ZNF536: variants seen among roughly 807,000 people sequenced by gnomAD.
ZNF536 encodes the protein zinc finger protein 536.
In ZNF536, 13 loss-of-function variants were observed where a neutral mutation model predicts 84.5. The ratio of observed to expected loss-of-function variants is 0.15; its 90% CI spans 0.10 to 0.24. ZNF536 has a LOEUF of 0.24. ZNF536 is among the 10% of genes least tolerant of loss of function. The pLI, the probability that ZNF536 is intolerant of heterozygous loss-of-function variation, is 1.00. For synonymous variants in ZNF536, 811 were observed against 742.5 expected, an observed-to-expected ratio of 1.09 and a Z score of -1.50; for missense variants, 1,536 against 1,747.5, an observed-to-expected ratio of 0.88 and a Z score of 2.16.
At chr19:30,344,781 G>T (rs145500461) in intron 2 of ZNF536, among the ~76,000 whole-genome samples, 1 of 152,132 alleles carries the variant, frequency 6.6e-6, no homozygotes, top group African/African-American at 2.4e-5. Context: ...TTCACAGTTG[G>T]GAAAGTCAAG....
At chr19:30,281,997 CA>C (rs1354543432) in intron 1 of ZNF536, among the ~76,000 whole-genome samples, 1 of 152,178 alleles carries the variant, frequency 6.6e-6, no homozygotes, top group African/African-American at 2.4e-5. Flanking sequence ...TTACTTGCAC[CA>C]AAAGAGCTGT....
At chr19:30,650,187 C>A (rs959408924) in intron 1 of ZNF536, among the ~76,000 whole-genome samples, 1 of 152,194 alleles carries the variant, frequency 6.6e-6, no homozygotes, top group Non-Finnish European at 1.5e-5. Flanking sequence ...GCAGTGTTAG[C>A]GGCACCTAGA....
chr19:30,390,892 C>T (rs987792144), intron 1 of ZNF536, among the ~76,000 whole-genome samples: 12 of 152,322 alleles, frequency 7.9e-5, no homozygotes, highest in East Asian at 1.9e-4. Context: ...ATTCCAATGT[C>T]AGAATAAACA....
chr19:30,531,374 C>G (rs115616243), intron 2 of ZNF536, among the ~76,000 whole-genome samples: 11 of 151,966 alleles, frequency 7.2e-5, no homozygotes, highest in African/African-American at 2.7e-4. Context: ...GTGGCCTGGG[C>G]AAGTCCTTCC....
At chr19:30,297,934 G>T (rs1040106870) in intron 2 of ZNF536, among the ~76,000 whole-genome samples, 3 of 146,146 alleles carry the variant, frequency 2.1e-5, no homozygotes, top group African/African-American at 8.0e-5. Context: ...AGGCTGGAGT[G>T]CAGTGGTGCG....
chr19:30,412,693 C>A (rs1310489861), intron 1 of ZNF536, among the ~76,000 whole-genome samples: 1 of 151,614 alleles, frequency 6.6e-6, no homozygotes, highest in African/African-American at 2.4e-5. Flanking sequence ...CCTCTTTCTC[C>A]TCCCTCCCTT....
chr19:30,616,289 G>A (rs762839289), intron 1 of ZNF536, among the ~76,000 whole-genome samples: 2 of 152,114 alleles, frequency 1.3e-5, no homozygotes, highest in South Asian at 2.1e-4. Flanking sequence ...TTTCAGCATC[G>A]AGCATCTGGT....
At chr19:30,645,870 A>G (rs1437555369) in intron 1 of ZNF536, among the ~76,000 whole-genome samples, 1 of 152,190 alleles carries the variant, frequency 6.6e-6, no homozygotes, top group Non-Finnish European at 1.5e-5. Context: ...GACATTCACC[A>G]AGAATGAAGA....
intron 3 of ZNF536, among the ~76,000 whole-genome samples, chr19:30,541,712 G>A (rs540915396): frequency 6.6e-6 from 1 of 152,146 alleles, no homozygotes; most frequent in African/African-American, 2.4e-5. Flanking sequence ...TATACAGTAG[G>A]GCATGGCTAA....
At chr19:30,301,799 A>T (rs2046194511) in intron 2 of ZNF536, among the ~76,000 whole-genome samples, 1 of 151,662 alleles carries the variant, frequency 6.6e-6, no homozygotes, top group Admixed American at 6.6e-5. Context: ...TGAAATTTGT[A>T]TTGCTGGAGA....
At chr19:30,655,460 G>C (rs1188747879) in intron 1 of ZNF536, among the ~76,000 whole-genome samples, 1 of 152,192 alleles carries the variant, frequency 6.6e-6, no homozygotes, top group African/African-American at 2.4e-5. Flanking sequence ...GGAGCTGGAA[G>C]TCATTGAATG....
chr19:30,309,357 T>A (rs2046431220), intron 2 of ZNF536, among the ~76,000 whole-genome samples: 1 of 152,216 alleles, frequency 6.6e-6, no homozygotes, highest in Non-Finnish European at 1.5e-5. Context: ...CTTCTATGTC[T>A]AAAAATGATT....
At chr19:30,657,501 G>T (rs565662138) in intron 1 of ZNF536, among the ~76,000 whole-genome samples, 1 of 152,288 alleles carries the variant, frequency 6.6e-6, no homozygotes, top group African/African-American at 2.4e-5. Context: ...CTCCGACAAC[G>T]TCTTGATCTT....
chr19:30,242,585 GC>G (rs2024013916), intron 1 of ZNF536, among the ~76,000 whole-genome samples: 1 of 152,272 alleles, frequency 6.6e-6, no homozygotes, highest in African/African-American at 2.4e-5. Flanking sequence ...CAGGGTCCCT[GC>G]CCCCAAGGGG....
At chr19:30,262,632 G>A (rs910928638) in intron 1 of ZNF536, among the ~76,000 whole-genome samples, 40 of 152,276 alleles carry the variant, frequency 2.6e-4, no homozygotes, top group African/African-American at 9.1e-4. Flanking sequence ...GCTGGTGTTC[G>A]TGGAATGCTA....
chr19:30,406,520 T>C (rs2050267504), intron 1 of ZNF536, among the ~76,000 whole-genome samples: 1 of 152,218 alleles, frequency 6.6e-6, no homozygotes, highest in African/African-American at 2.4e-5. Context: ...ATTGTAGGGC[T>C]ATAAATACCT....
chr19:30,629,907 AG>A (rs2048828786), intron 1 of ZNF536, among the ~76,000 whole-genome samples: 1 of 152,216 alleles, frequency 6.6e-6, no homozygotes, highest in Non-Finnish European at 1.5e-5. Context: ...AGCCAGAACC[AG>A]GTGATCTGAG....
At chr19:30,697,635 G>T (rs997739166) in intron 1 of ZNF536, among the ~76,000 whole-genome samples, 1 of 152,152 alleles carries the variant, frequency 6.6e-6, no homozygotes, top group Non-Finnish European at 1.5e-5. Context: ...ACACACAACC[G>T]ATAAGAGGCA....
intron 1 of ZNF536, among the ~76,000 whole-genome samples, chr19:30,706,246 A>G (rs2052221044): frequency 6.6e-6 from 1 of 152,218 alleles, no homozygotes; most frequent in Non-Finnish European, 1.5e-5. Flanking sequence ...GCACTTTGGG[A>G]TGCTGAGGCG....
Sources: gnomAD v4.1 joint callset for allele counts (sites outside exome capture counted in the v4.1 genomes callset) on GRCh38, gnomAD v4.1.1 for gene constraint, MANE v1.5 for transcripts, NCBI Gene and HGNC (gene_info 2026-07-23, HGNC 2026-07-21) for gene names.